The following PPARGC1A variants were observed in gnomAD, a reference collection of about 807,000 sequenced individuals.
PPARGC1A encodes PPARG coactivator 1 alpha.
A neutral mutation model predicts 88.7 loss-of-function variants in PPARGC1A; 25 were observed. The ratio of observed to expected loss-of-function variants is 0.28; its 90% CI spans 0.21 to 0.39. PPARGC1A has a LOEUF of 0.39. PPARGC1A is among the 10% of genes least tolerant of loss of function. The pLI is 1.00. For missense variants in PPARGC1A, 880 were observed against 968.7 expected (o/e 0.91, Z 1.22); for synonymous variants, 363 against 355.6 (o/e 1.02, Z -0.24).
At chr4:24,118,924 A>C in the PPARGC1A span, among the ~76,000 whole-genome samples, 2 of 152,208 alleles carry the variant, frequency 1.3e-5, no homozygotes, top group Non-Finnish European at 2.9e-5. Flanking sequence ...ATGTCAATGC[A>C]ATCTAAAAAT....
the PPARGC1A span, among the ~76,000 whole-genome samples, chr4:24,158,081 AC>A: frequency 9.2e-6 from 1 of 108,240 alleles, no homozygotes; most frequent in Non-Finnish European, 1.8e-5. Flanking sequence ...TCCTATGTTC[AC>A]TACACTCTCC....
chr4:24,067,261 G>T, the PPARGC1A span, among the ~76,000 whole-genome samples: 1 of 143,538 alleles, frequency 7.0e-6, no homozygotes, highest in Non-Finnish European at 1.5e-5. Flanking sequence ...ATTTAAATTT[G>T]CTAAGAGAAA....
intron 1 of PPARGC1A, among the ~76,000 whole-genome samples, chr4:23,898,072 G>C (rs929692973): frequency 6.6e-6 from 1 of 152,164 alleles, no homozygotes; most frequent in African/African-American, 2.4e-5. Context: ...AAGGAAATGA[G>C]AGCTTAAAAT....
At chr4:24,202,145 T>A in the PPARGC1A span, among the ~76,000 whole-genome samples, 1 of 152,114 alleles carries the variant, frequency 6.6e-6, no homozygotes, top group Non-Finnish European at 1.5e-5. Flanking sequence ...TCCAAACCGC[T>A]GGGATTGCAG....
At chr4:23,911,154 C>A in the PPARGC1A span, among the ~76,000 whole-genome samples, 1 of 151,972 alleles carries the variant, frequency 6.6e-6, no homozygotes, top group Admixed American at 6.6e-5. Context: ...AACAGAGAAA[C>A]CCAGGCTGCC....
chr4:24,392,578 A>T, the PPARGC1A span, among the ~76,000 whole-genome samples: 1 of 152,168 alleles, frequency 6.6e-6, no homozygotes, highest in Non-Finnish European at 1.5e-5. Flanking sequence ...CTGTAGGCGC[A>T]CTCTGACATC....
the PPARGC1A span, among the ~76,000 whole-genome samples, chr4:24,155,889 G>A: frequency 6.6e-6 from 1 of 152,164 alleles, no homozygotes; most frequent in Non-Finnish European, 1.5e-5. Context: ...ATCCAAGAAA[G>A]GAACTAGCAA....
At chr4:23,864,612 C>T (rs983254495) in intron 2 of PPARGC1A, among the ~76,000 whole-genome samples, 3 of 152,152 alleles carry the variant, frequency 2.0e-5, no homozygotes, top group Non-Finnish European at 4.4e-5. Flanking sequence ...AAGTCTTTCG[C>T]AGCAGACTGT....
intron 2 of PPARGC1A, among the ~76,000 whole-genome samples, chr4:23,863,045 C>A (rs1731520033): frequency 1.3e-5 from 2 of 152,280 alleles, no homozygotes; most frequent in South Asian, 4.1e-4. Flanking sequence ...CCCAAATTCT[C>A]CAAATCACCC....
chr4:24,011,161 TAA>T, the PPARGC1A span, among the ~76,000 whole-genome samples: 1 of 152,146 alleles, frequency 6.6e-6, no homozygotes, highest in Non-Finnish European at 1.5e-5. Context: ...AAATGCAAAA[TAA>T]GTCATCTGCA....
At chr4:24,277,285 C>T in the PPARGC1A span, among the ~76,000 whole-genome samples, 1 of 152,016 alleles carries the variant, frequency 6.6e-6, no homozygotes, top group African/African-American at 2.4e-5. Context: ...CGCCATGTTG[C>T]CCAGGCTGCA....
the PPARGC1A span, among the ~76,000 whole-genome samples, chr4:24,431,688 T>C: frequency 6.6e-6 from 1 of 152,184 alleles, no homozygotes; most frequent in African/African-American, 2.4e-5. Flanking sequence ...ACACAATACT[T>C]TCCATTCATC....
the PPARGC1A span, among the ~76,000 whole-genome samples, chr4:24,332,388 A>T: frequency 6.6e-6 from 1 of 152,202 alleles, no homozygotes; most frequent in African/African-American, 2.4e-5. Context: ...CATTGCAGGG[A>T]TGATGAAATG....
chr4:24,120,762 C>A, the PPARGC1A span, among the ~76,000 whole-genome samples: 1 of 152,048 alleles, frequency 6.6e-6, no homozygotes, highest in African/African-American at 2.4e-5. Context: ...CTTTCCACCA[C>A]GTGAGAACCC....
chr4:24,462,253 A>ATTTTTTTTTTTTTT, the PPARGC1A span, among the ~76,000 whole-genome samples: 1 of 143,346 alleles, frequency 7.0e-6, no homozygotes, highest in African/African-American at 2.7e-5. Context: ...ACCCGGCTAA[A>ATTTTTTTTTTTTTT]TTTTTTTTTT....
chr4:23,896,000 A>T (rs1718555602), intron 1 of PPARGC1A, among the ~76,000 whole-genome samples: 1 of 150,710 alleles, frequency 6.6e-6, no homozygotes, highest in South Asian at 2.1e-4. Context: ...ATACACACAC[A>T]TATTTATATT....
At chr4:23,916,984 G>A in the PPARGC1A span, among the ~76,000 whole-genome samples, 1 of 152,312 alleles carries the variant, frequency 6.6e-6, no homozygotes, top group Non-Finnish European at 1.5e-5. Context: ...GGAAGGTGTT[G>A]TGGACTATTC....
At chr4:24,095,897 G>C in the PPARGC1A span, among the ~76,000 whole-genome samples, 3 of 152,120 alleles carry the variant, frequency 2.0e-5, no homozygotes, top group Non-Finnish European at 4.4e-5. Flanking sequence ...AAGCCCTCAC[G>C]GCAGCCTCAT....
chr4:23,976,502 C>A, the PPARGC1A span, among the ~76,000 whole-genome samples: 6 of 152,202 alleles, frequency 3.9e-5, no homozygotes, highest in East Asian at 1.9e-4. Flanking sequence ...TCTAGACAAC[C>A]TTTCCAGCAG....
Sources: allele counts gnomAD v4.1 joint callset (sites outside exome capture counted in the v4.1 genomes callset), GRCh38; gene constraint gnomAD v4.1.1; transcripts MANE v1.5; gene names NCBI Gene and HGNC (gene_info 2026-07-23, HGNC 2026-07-21).